The following UBA3 variants were observed in gnomAD, a reference collection of about 807,000 sequenced individuals.
The protein encoded by UBA3 is ubiquitin like modifier activating enzyme 3, also known as NEDD8-activating enzyme E1 catalytic subunit.
UBA3 carries 26 observed loss-of-function variants against 73.5 expected under a neutral mutation model. The ratio of observed to expected loss-of-function variants is 0.35; its 90% CI spans 0.26 to 0.49. UBA3 has a LOEUF of 0.49. UBA3 is among the 20% of genes least tolerant of loss of function. The pLI, the probability that UBA3 is intolerant of heterozygous loss-of-function variation, is 0.98. For missense variants in UBA3, 495 were observed against 555.6 expected, an observed-to-expected ratio of 0.89 and a Z score of 1.10; for synonymous variants, 217 against 191.2, an observed-to-expected ratio of 1.13 and a Z score of -1.11.
chr3:69,065,729 A>ATCTCTATAATTCTGTAATTT (rs2092064738), intron 6 of UBA3, among the ~76,000 whole-genome samples: 1 of 152,084 alleles, frequency 6.6e-6, no homozygotes, highest in African/African-American at 2.4e-5. Flanking sequence ...GGCCTGAACC[A>ATCTCTATAATTCTGTAATTT]CCACACCCAG....
chr3:69,076,890 G>A (rs1183927092), intron 3 of UBA3, among the ~76,000 whole-genome samples: 1 of 151,718 alleles, frequency 6.6e-6, no homozygotes, highest in Non-Finnish European at 1.5e-5. Context: ...ACCTTACCTG[G>A]CCAACATCTC....
In UBA3 at chr3:69,055,289, G is replaced by A. The variant is rs944437265; in HGVS notation, c.*148C>T. On this transcript the variant is annotated 3_prime_UTR_variant, in exon 18 of 18. Transcript: ENST00000361055. ...CAACACCAAAATTCTGTCTTCAAGG[G>A]AAGGTTACAAAGTTAAAAAAGAGTG... The A allele has an allele frequency of 1.3e-5, 6 of 471,148 alleles. No homozygotes were observed. Among genetic ancestry groups the A allele is most frequent in the Non-Finnish European group, 2.2e-5 (6 of 270,110 alleles). 29.2% of individuals were successfully genotyped at this position (471,148 alleles called of 1,614,324 possible).
intron 2 of UBA3, among the ~76,000 whole-genome samples, chr3:69,079,174 C>T (rs966564444): frequency 2.6e-5 from 4 of 152,142 alleles, no homozygotes; most frequent in African/African-American, 9.7e-5. Context: ...ATCTGCAGGC[C>T]GTTCATAGCT....
rs2092075594 is a variant in UBA3, at chr3:69,066,793, A to G, written c.428+1135T>C. On this transcript the variant is annotated intron_variant, in intron 6 of 17. Coordinates refer to ENST00000361055, the MANE Select transcript of UBA3 (RefSeq NM_003968.4). ...TGAGTTAATTTTGTATGTTTAGGTC[A>G]AAATTCATCTTTTAACTATGGATAT... 2.0e-5 allele frequency among the ~76,000 whole-genome samples: 3 copies of G among 152,302 alleles called. No homozygotes were observed. The South Asian group carries it at 6.2e-4, about 32-fold the overall frequency.
At chr3:69,057,925 T>TC (rs2091988381) in intron 11 of UBA3, among the ~76,000 whole-genome samples, 1 of 6,894 alleles carries the variant, frequency 1.5e-4, no homozygotes, top group Admixed American at 2.3e-3. Flanking sequence ...CACATTTTTC[T>TC]TTTTTTTTTT....
chr3:69,063,685 C>T (rs907298336), intron 7 of UBA3, among the ~76,000 whole-genome samples, 182 bp from the exon 8 acceptor site: 1 of 151,384 alleles, frequency 6.6e-6, no homozygotes, highest in Non-Finnish European at 1.5e-5. Context: ...ATTTTCTGTT[C>T]AATTTTGTTG....
Position 69,056,264 on chromosome 3 carries a change from C to T in UBA3, c.1103G>A (p.Ser368Asn). 2 of 1,601,232 alleles carry T rather than the reference C, an allele frequency of 1.2e-6. No homozygotes were observed. Among genetic ancestry groups the T allele is most frequent in the Non-Finnish European group, 1.7e-6 (2 of 1,176,454 alleles). Reference sequence around the variant, plus strand: ...AAACTGAATATTTTGAGGAAGCTGGCTACAAGCTGGGCAGTTTTCCTACAC... The same window carrying T: ...AAACTGAATATTTTGAGGAAGCTGGTTACAAGCTGGGCAGTTTTCCTACAC... ...AERKENCPAC[S>N]QLPQNIQFSP... Residue 368 changes from serine to asparagine, a missense_variant, in exon 15 of 18, where the codon AGC (serine) becomes AAC (asparagine). Transcript: ENST00000361055.
At position 69,080,349 on chromosome 3, in the gene UBA3, G is replaced by C. The variant is rs746514816; in HGVS notation, c.5C>G (p.Ala2Gly). The change falls in exon 1 of 18, where the codon GCG becomes GGG. Residue 2 changes from alanine (A) to glycine (G), a missense_variant. By Grantham distance (60) the Ala-to-Gly change is moderately conservative. Transcript: ENST00000361055. MADGEEPEKKRR... is the reference protein window; with the variant it reads MGDGEEPEKKRR... ...CGGTACTTACGGCTCCTCGCCATCC[G>C]CCATATTGTTCTCCGCCTCTTCCCA... is the stretch of plus-strand genomic sequence containing the variant. 52 of 1,599,322 alleles carry C rather than the reference G, an allele frequency of 3.3e-5. No homozygotes were observed. The highest frequency in any genetic ancestry group is 4.1e-5 in the Non-Finnish European group (48 of 1,175,426).
intron 11 of UBA3, among the ~76,000 whole-genome samples, chr3:69,061,086 T>C (rs748610936): frequency 6.6e-6 from 1 of 152,268 alleles, no homozygotes; most frequent in Non-Finnish European, 1.5e-5. Flanking sequence ...TTTATGGCAC[T>C]GATAAAAATT....
intron 17 of UBA3, 145 bp downstream of exon 17, chr3:69,055,706 T>A (rs2091966768): frequency 1.1e-5 from 10 of 885,042 alleles, no homozygotes; most frequent in Non-Finnish European, 1.8e-5. Context: ...AGCAATTAAT[T>A]CTATTAATAT....
intron 6 of UBA3, 37 bp downstream of exon 6, chr3:69,067,891 T>C (rs1188612657): frequency 6.7e-7 from 1 of 1,487,136 alleles, no homozygotes; most frequent in African/African-American, 1.4e-5. Flanking sequence ...AAAAAGCTTT[T>C]AAAAATTAAG....
At chr3:69,071,994 C>A (rs1390627664) in intron 4 of UBA3, among the ~76,000 whole-genome samples, 1 of 152,090 alleles carries the variant, frequency 6.6e-6, no homozygotes, top group Non-Finnish European at 1.5e-5. Context: ...AAAAGCAATT[C>A]TACAAGCTTT....
At chr3:69,067,474 A>G (rs1439787232) in intron 6 of UBA3, among the ~76,000 whole-genome samples, 1 of 152,230 alleles carries the variant, frequency 6.6e-6, no homozygotes, top group Non-Finnish European at 1.5e-5. Flanking sequence ...TTCAAACTAC[A>G]GTGTAAATAC....
chr3:69,061,251 G>A (rs1273808171), intron 11 of UBA3, among the ~76,000 whole-genome samples: 2 of 152,248 alleles, frequency 1.3e-5, no homozygotes, highest in African/African-American at 2.4e-5. Flanking sequence ...CTGGAAAGCA[G>A]TGGCGCAATC....
chr3:69,076,022 G>A (rs765142121), intron 3 of UBA3, among the ~76,000 whole-genome samples: 2 of 152,118 alleles, frequency 1.3e-5, no homozygotes, highest in Non-Finnish European at 2.9e-5. Context: ...ATGAGGTGCC[G>A]CGTCCGGCCA....
intron 6 of UBA3, among the ~76,000 whole-genome samples, chr3:69,064,497 T>A (rs2092050774): frequency 6.6e-6 from 1 of 152,238 alleles, no homozygotes; most frequent in South Asian, 2.1e-4. Flanking sequence ...AGATGCACAT[T>A]ATAGTTCCTA....
At chr3:69,069,820 T>C (rs967852391) in intron 5 of UBA3, among the ~76,000 whole-genome samples, 19 of 152,222 alleles carry the variant, frequency 1.2e-4, no homozygotes, top group African/African-American at 4.3e-4. Flanking sequence ...AGTAGACTTC[T>C]AAGATTATTT....
intron 6 of UBA3, among the ~76,000 whole-genome samples, chr3:69,067,449 T>C (rs1006411322): frequency 2.6e-5 from 4 of 152,212 alleles, no homozygotes; most frequent in East Asian, 1.9e-4. Context: ...ATGCCAAAAG[T>C]TCTCCAGATC....
At position 69,055,389 on chromosome 3, in the gene UBA3, C is replaced by A; in HGVS notation, c.*48G>T. 7.9e-7 allele frequency: 1 copy of A among 1,259,748 alleles called. No homozygotes were observed. The highest frequency in any genetic ancestry group is 1.1e-6 in the Non-Finnish European group (1 of 935,262). The allele number at this position is 1,259,748 out of a possible 1,614,324, so 78.0% of individuals were successfully genotyped here. ...GACATCGATTCAACTTCTTAGCATCCACAAAGTATATTATTTCCATGAGTT... is the reference window on the plus strand; with the variant it reads ...GACATCGATTCAACTTCTTAGCATCAACAAAGTATATTATTTCCATGAGTT... On this transcript the variant is annotated 3_prime_UTR_variant, in exon 18 of 18. Transcript: ENST00000361055.
Sources: allele counts gnomAD v4.1 joint callset (sites outside exome capture counted in the v4.1 genomes callset), GRCh38; gene constraint gnomAD v4.1.1; transcripts MANE v1.5; gene names NCBI Gene and HGNC (gene_info 2026-07-23, HGNC 2026-07-21).